Variants in CLVS1 observed in about 807,000 individuals in gnomAD.
The protein encoded by CLVS1 is clavesin 1, also known as clavesin-1.
In CLVS1, 10 loss-of-function variants were observed where a neutral mutation model predicts 33.1. The observed-to-expected ratio is 0.30, with a 90% CI of 0.19 to 0.51. The LOEUF (loss-of-function observed/expected upper bound fraction) is 0.51. Ranked by LOEUF, CLVS1 falls within the 20% of genes least tolerant of loss-of-function variation. The probability of loss-of-function intolerance (pLI) is 0.97; values close to 1 mark genes in which losing one functional copy is unlikely to be tolerated. For synonymous variants in CLVS1, 163 were observed against 166.1 expected (o/e 0.98, Z 0.14); for missense variants, 343 against 433.4 (o/e 0.79, Z 1.85).
rs938219572 is a variant in CLVS1, at chr8:61,288,008, C to T, written c.-282C>T. On this transcript the variant is annotated 5_prime_UTR_variant, in exon 1 of 6. Transcript: ENST00000325897. ...ATCACAGCCCCTTGTGGAGCCCGAG[C>T]TCTCATTCACAGCTTTCTAGAGAAA... 4 of 423,830 alleles carry T rather than the reference C, an allele frequency of 9.4e-6. No individual in the cohort carries two copies. The highest frequency in any genetic ancestry group is 1.4e-5 in the Non-Finnish European group (3 of 210,506). The allele number at this position is 423,830 out of a possible 1,614,324, so 26.3% of individuals were successfully genotyped here.
At chr8:61,052,657 C>A (rs1303292474), upstream of CLVS1, among the ~76,000 whole-genome samples, 1 of 152,110 alleles carries the variant, frequency 6.6e-6, no homozygotes, top group African/African-American at 2.4e-5. Context: ...GTGACCTGAG[C>A]TGAGGGAGGG....
chr8:61,346,355 T>C (rs1193383909), intron 2 of CLVS1, among the ~76,000 whole-genome samples: 1 of 152,070 alleles, frequency 6.6e-6, no homozygotes, highest in Non-Finnish European at 1.5e-5. Flanking sequence ...AAAGTCTCCT[T>C]GGTCTGAAAG....
At chr8:61,482,941 A>T (rs1420789225) in intron 5 of CLVS1, among the ~76,000 whole-genome samples, 4 of 151,496 alleles carry the variant, frequency 2.6e-5, no homozygotes, top group Admixed American at 6.6e-5. Flanking sequence ...CATTTAAAGC[A>T]GTGTGTAGAG....
the CLVS1 span, among the ~76,000 whole-genome samples, chr8:60,980,899 C>A: frequency 6.6e-6 from 1 of 150,988 alleles, no homozygotes; most frequent in Non-Finnish European, 1.5e-5. Flanking sequence ...AAGAAAGCAC[C>A]CTCATAAGAG....
chr8:61,100,133 T>C (rs553198100), intron 1 of CLVS1, among the ~76,000 whole-genome samples: 1 of 152,326 alleles, frequency 6.6e-6, no homozygotes, highest in Non-Finnish European at 1.5e-5. Flanking sequence ...CAAAGGCTCC[T>C]TTCAAGGTAT....
intron 3 of CLVS1, among the ~76,000 whole-genome samples, chr8:61,398,276 G>C (rs1423524225): frequency 6.6e-6 from 1 of 150,602 alleles, no homozygotes; most frequent in African/African-American, 2.4e-5. Flanking sequence ...TGACTTCCCA[G>C]GTTCCAGCAA....
At chr8:61,043,944 T>C in the CLVS1 span, among the ~76,000 whole-genome samples, 1 of 152,188 alleles carries the variant, frequency 6.6e-6, no homozygotes. Flanking sequence ...AAGGAATAAA[T>C]GAATACTTTG....
At chr8:61,376,582 T>A (rs1317175122) in intron 2 of CLVS1, 23 bp from the exon 3 acceptor site, 1 of 1,608,042 alleles carries the variant, frequency 6.2e-7, no homozygotes, top group Non-Finnish European at 8.5e-7. Context: ...CACACACAGC[T>A]CTCCTTTCTG....
At chr8:61,277,632 TGGG>T (rs1025614790) in intron 2 of CLVS1, among the ~76,000 whole-genome samples, 1 of 151,914 alleles carries the variant, frequency 6.6e-6, no homozygotes, top group Non-Finnish European at 1.5e-5. Flanking sequence ...AACAAATGCT[TGGG>T]GGGGTAGGGA....
intron 3 of CLVS1, among the ~76,000 whole-genome samples, chr8:61,406,838 C>A (rs999666382): frequency 1.3e-5 from 2 of 152,078 alleles, no homozygotes; most frequent in Admixed American, 6.5e-5. Flanking sequence ...CAAACTCCTG[C>A]GCTCAGGCAA....
At chr8:61,065,975 G>C (rs1463916381) in intron 1 of CLVS1, among the ~76,000 whole-genome samples, 1 of 152,174 alleles carries the variant, frequency 6.6e-6, no homozygotes, top group Non-Finnish European at 1.5e-5. Context: ...TAAGTAAAAA[G>C]TGAGACCTGG....
chr8:61,269,528 A>C (rs1169089896), intron 2 of CLVS1, among the ~76,000 whole-genome samples: 1 of 151,768 alleles, frequency 6.6e-6, no homozygotes, highest in Non-Finnish European at 1.5e-5. Context: ...ATGAACTTTA[A>C]AGTAGTTTTT....
At chr8:61,233,121 C>T (rs1182545206) in intron 2 of CLVS1, among the ~76,000 whole-genome samples, 1 of 152,146 alleles carries the variant, frequency 6.6e-6, no homozygotes, top group Non-Finnish European at 1.5e-5. Context: ...CAGTTTGAAC[C>T]TTCAAAAGGA....
At chr8:61,411,518 C>A (rs113368678) in intron 3 of CLVS1, among the ~76,000 whole-genome samples, 1 of 152,304 alleles carries the variant, frequency 6.6e-6, no homozygotes, top group East Asian at 1.9e-4. Flanking sequence ...AAATTAAACA[C>A]ACAGGAAGAA....
chr8:61,449,144 C>A (rs912482574), intron 3 of CLVS1, among the ~76,000 whole-genome samples: 3 of 152,142 alleles, frequency 2.0e-5, no homozygotes, highest in East Asian at 3.9e-4. Context: ...TGTTGACACC[C>A]AAGTAGGGAG....
intron 2 of CLVS1, among the ~76,000 whole-genome samples, chr8:61,245,578 T>C (rs1025473234): frequency 5.3e-5 from 8 of 151,982 alleles, no homozygotes; most frequent in Non-Finnish European, 7.4e-5. Flanking sequence ...TCCATTTATA[T>C]TGTATATAAT....
intron 3 of CLVS1, among the ~76,000 whole-genome samples, chr8:61,450,527 A>G (rs760877893): frequency 1.3e-5 from 2 of 152,214 alleles, no homozygotes; most frequent in Non-Finnish European, 2.9e-5. Flanking sequence ...TTTAAAGAAT[A>G]TGCCAACTGT....
At chr8:61,180,502 A>C (rs1055294149) in intron 2 of CLVS1, among the ~76,000 whole-genome samples, 1 of 152,252 alleles carries the variant, frequency 6.6e-6, no homozygotes, top group Non-Finnish European at 1.5e-5. Flanking sequence ...AGCCAGCATC[A>C]TCCTGATACC....
the CLVS1 span, among the ~76,000 whole-genome samples, chr8:61,037,799 C>T: frequency 6.6e-6 from 1 of 152,124 alleles, no homozygotes; most frequent in African/African-American, 2.4e-5. Flanking sequence ...ACCAGGGAGG[C>T]AAATAGGAAA....
Sources: allele counts gnomAD v4.1 joint callset (sites outside exome capture counted in the v4.1 genomes callset), GRCh38; gene constraint gnomAD v4.1.1; transcripts MANE v1.5; gene names NCBI Gene and HGNC (gene_info 2026-07-23, HGNC 2026-07-21).